The following TGM2 variants were observed in gnomAD, a reference collection of about 807,000 sequenced individuals.
The protein encoded by TGM2 is protein-glutamine gamma-glutamyltransferase 2.
TGM2 carries 53 observed loss-of-function variants against 75.6 expected under a neutral mutation model. The observed-to-expected ratio is 0.70, with a 90% CI of 0.56 to 0.88. The LOEUF is 0.88. TGM2 is among the 40% of genes least tolerant of loss of function. The probability of loss-of-function intolerance (pLI) is 0.00; values close to 1 mark genes in which losing one functional copy is unlikely to be tolerated. For synonymous variants in TGM2, 374 were observed against 381.1 expected (o/e 0.98, Z 0.22); for missense variants, 842 against 928.5 (o/e 0.91, Z 1.21).
chr20:38,130,457 G>A lies in TGM2; in HGVS notation c.1914-88C>T, dbSNP rs1004156339. On this transcript the variant is annotated intron_variant, in intron 12 of 12. Coordinates refer to ENST00000361475, the MANE Select transcript of TGM2 (RefSeq NM_004613.4). Reference sequence around the variant, plus strand: ...CCAGCCAGGAAGTCACGTGACCTCCGAGGATCAGCACAGCGTGTCCATGAA... The same window carrying A: ...CCAGCCAGGAAGTCACGTGACCTCCAAGGATCAGCACAGCGTGTCCATGAA... 11 of 1,399,516 alleles carry A rather than the reference G, an allele frequency of 7.9e-6. No homozygotes were observed. In the South Asian group the frequency reaches 1.1e-4, roughly 14 times the overall value. The allele number at this position is 1,399,516 out of a possible 1,614,324, so 86.7% of individuals were successfully genotyped here. A position where few individuals can be genotyped will look rare whatever the true frequency, so the allele number is the denominator to read the frequency against.
intron 2 of TGM2, among the ~76,000 whole-genome samples, chr20:38,158,850 G>A (rs1390345863): frequency 2.0e-5 from 3 of 152,148 alleles, no homozygotes; most frequent in Admixed American, 6.5e-5. Context: ...GCCTTGAGCC[G>A]GGCGCTGACC....
chr20:38,156,284 A>G (rs6023533), intron 2 of TGM2, among the ~76,000 whole-genome samples, 195 bp from the exon 3 acceptor site: 10,277 of 152,294 alleles, frequency 0.067, 969 homozygotes, highest in African/African-American at 0.21. Flanking sequence ...CCAGCCTTTT[A>G]GGGTGGTTTT....
At chr20:38,132,290 C>T in intron 11 of TGM2, 50 bp downstream of exon 11, 1 of 1,611,220 alleles carries the variant, frequency 6.2e-7, no homozygotes, top group Middle Eastern at 1.7e-4. Flanking sequence ...TGCCCTCTCC[C>T]CAGCGCTGAG....
Position 38,138,181 on chromosome 20 carries a change from T to C in TGM2, c.1547A>G (p.Tyr516Cys), listed in dbSNP as rs2074923459. Residue 516 changes from tyrosine (Y) to cysteine (C), a missense_variant, in exon 10 of 13, where the codon TAC (tyrosine) becomes TGC (cysteine). By Grantham distance (194) the Tyr-to-Cys change is radical (BLOSUM62 -2). Coordinates refer to ENST00000361475, the MANE Select transcript of TGM2 (RefSeq NM_004613.4). ...ACACTCGGGCCCCAAGATCCCATTG[T>C]AGCTGACGGTGCGGGCACAGAGCAG... Reference protein sequence around the residue: ...RLLLCARTVSYNGILGPECGT... With the variant: ...RLLLCARTVSCNGILGPECGT... 6.2e-7 allele frequency: 1 copy of C among 1,607,420 alleles called. No individual in the cohort carries two copies. Among genetic ancestry groups the C allele is most frequent in the East Asian group, 2.2e-5 (1 of 44,550 alleles).
intron 2 of TGM2, 47 bp downstream of exon 2, chr20:38,161,373 A>AGTGGTGGTG: frequency 6.3e-7 from 1 of 1,589,746 alleles, no homozygotes; most frequent in Non-Finnish European, 8.6e-7. Context: ...GTGGAGAGGA[A>AGTGGTGGTG]GTGGTGGTGG....
At chr20:38,168,082 G>A (rs2075324130), upstream of TGM2, among the ~76,000 whole-genome samples, 2 of 152,206 alleles carry the variant, frequency 1.3e-5, no homozygotes, top group Non-Finnish European at 2.9e-5. Flanking sequence ...TCCCAGCACA[G>A]GGCTTAGCAC....
chr20:38,142,476 G>T (rs1421516728), intron 6 of TGM2, among the ~76,000 whole-genome samples: 1 of 152,308 alleles, frequency 6.6e-6, no homozygotes, highest in East Asian at 1.9e-4. Flanking sequence ...ACTTTGAGAG[G>T]CCGAGGGGGG....
chr20:38,147,245 C>T (rs1015863902), intron 5 of TGM2, among the ~76,000 whole-genome samples: 1 of 151,972 alleles, frequency 6.6e-6, no homozygotes, highest in African/African-American at 2.4e-5. Context: ...CAGATTGTGT[C>T]GTTCCCCCTA....
intron 3 of TGM2, among the ~76,000 whole-genome samples, chr20:38,151,416 G>T (rs1047283755): frequency 6.6e-6 from 1 of 152,158 alleles, no homozygotes; most frequent in Non-Finnish European, 1.5e-5. Flanking sequence ...TTATAGCTAG[G>T]AAAACTGAGA....
chr20:38,131,279 G>C (rs370991873), intron 11 of TGM2, 50 bp from the exon 12 acceptor site: 116 of 1,610,992 alleles, frequency 7.2e-5, no homozygotes, highest in Admixed American at 1.2e-4. Context: ...ATCCAGGCTG[G>C]GCTGTCTGCA....
intron 2 of TGM2, among the ~76,000 whole-genome samples, chr20:38,161,127 T>C (rs1221619989): frequency 6.6e-6 from 1 of 152,176 alleles, no homozygotes; most frequent in African/African-American, 2.4e-5. Context: ...CCTGATCAAC[T>C]TTCCTGGTTG....
intron 4 of TGM2, among the ~76,000 whole-genome samples, chr20:38,148,367 C>A (rs529921116): frequency 5.3e-5 from 8 of 152,306 alleles, no homozygotes; most frequent in Admixed American, 4.6e-4. Context: ...GGAGCAGGAG[C>A]CCATGGAGTG....
intron 10 of TGM2, chr20:38,132,898 T>G (rs1287817968): frequency 1.3e-5 from 6 of 456,986 alleles, no homozygotes; most frequent in Non-Finnish European, 2.6e-5. Context: ...ACTCAGGGTG[T>G]GTGAGCCGCG....
chr20:38,165,258 G>A lies in TGM2; in HGVS notation c.-60C>T. ...GCGAGACCCTCCAAGTGCGACCACTGGCGGCTGGCACTGCCGAGGCGGAGA... is the reference window on the plus strand; with the variant it reads ...GCGAGACCCTCCAAGTGCGACCACTAGCGGCTGGCACTGCCGAGGCGGAGA... On this transcript the variant is annotated 5_prime_UTR_variant, in exon 1 of 13. Transcript: ENST00000361475. The A allele has an allele frequency of 6.2e-7, 1 of 1,609,974 alleles. No homozygotes were observed. The highest frequency in any genetic ancestry group is 8.5e-7 in the Non-Finnish European group (1 of 1,179,484).
chr20:38,132,118 T>G (rs968861245), intron 11 of TGM2, among the ~76,000 whole-genome samples: 107 of 152,090 alleles, frequency 7.0e-4, no homozygotes, highest in African/African-American at 2.4e-3. Context: ...TCCATGACCC[T>G]AACACTCTGG....
chr20:38,148,829 C>T (rs541539168), intron 4 of TGM2, among the ~76,000 whole-genome samples: 10 of 152,296 alleles, frequency 6.6e-5, no homozygotes, highest in African/African-American at 1.2e-4. Context: ...ATTCAAATGT[C>T]ATCTTTCTCA....
At position 38,139,673 on chromosome 20, in the gene TGM2, G is replaced by A. The variant is rs185914889; in HGVS notation, c.1100-19C>T. On this transcript the variant is annotated intron_variant, in intron 8 of 12. Coordinates refer to ENST00000361475, the MANE Select transcript of TGM2 (RefSeq NM_004613.4). ...TACGTCCCTGGCAGAGGTAGAAAGG[G>A]GAAGGGATGGGCCTGGGTGAAGGTT... The A allele has an allele frequency of 6.2e-5, 100 of 1,613,938 alleles. No individual in the cohort carries two copies. In the African/African-American group the frequency reaches 9.5e-4, roughly 15 times the overall value.
At chr20:38,144,429 T>A (rs1365094070) in intron 6 of TGM2, among the ~76,000 whole-genome samples, 1 of 152,180 alleles carries the variant, frequency 6.6e-6, no homozygotes, top group Non-Finnish European at 1.5e-5. Context: ...TGTGTCATGG[T>A]GCCCGTTACG....
chr20:38,165,671 AAC>A (rs71833660), upstream of TGM2, among the ~76,000 whole-genome samples: 27,063 of 142,968 alleles, frequency 0.19, 2,776 homozygotes, highest in African/African-American at 0.28. Context: ...CCCCACCCCC[AAC>A]ACACACACAC....
Sources: allele counts gnomAD v4.1 joint callset (sites outside exome capture counted in the v4.1 genomes callset), GRCh38; gene constraint gnomAD v4.1.1; transcripts MANE v1.5; gene names NCBI Gene and HGNC (gene_info 2026-07-23, HGNC 2026-07-21).